The following FER variants were observed in gnomAD, a reference collection of about 807,000 sequenced individuals.
The protein encoded by FER is tyrosine-protein kinase Fer.
In FER, 63 loss-of-function variants were observed where a neutral mutation model predicts 111.0. That is an observed-to-expected ratio of 0.57 (90% CI 0.46 to 0.70). The LOEUF (loss-of-function observed/expected upper bound fraction) is 0.70. FER is among the 30% of genes least tolerant of loss of function. The probability of loss-of-function intolerance (pLI) is 0.00; values close to 1 mark genes in which losing one functional copy is unlikely to be tolerated. For missense variants in FER, 914 were observed against 954.0 expected (o/e 0.96, Z 0.55); for synonymous variants, 327 against 313.9 (o/e 1.04, Z -0.44).
chr5:108,792,137 CT>C (rs997852029), intron 2 of FER, among the ~76,000 whole-genome samples: 19 of 152,248 alleles, frequency 1.2e-4, no homozygotes, highest in African/African-American at 4.6e-4. Context: ...CTTCGTGCCT[CT>C]TTTCAAGTTA....
chr5:108,948,966 T>C (rs1757369575), intron 11 of FER, among the ~76,000 whole-genome samples: 1 of 152,178 alleles, frequency 6.6e-6, no homozygotes, highest in South Asian at 2.1e-4. Context: ...TTAAAATTCA[T>C]ATTTTCTACA....
chr5:109,136,949 C>G (rs1173704336), intron 17 of FER, among the ~76,000 whole-genome samples: 4 of 152,160 alleles, frequency 2.6e-5, no homozygotes, highest in Non-Finnish European at 4.4e-5. Flanking sequence ...TTGATATCAT[C>G]AATTTGAAGC....
At chr5:108,819,705 G>C in intron 3 of FER, 1 of 761,462 alleles carries the variant, frequency 1.3e-6, no homozygotes, top group Non-Finnish European at 1.6e-6. Context: ...AGAACTAATG[G>C]AGACCATCAA....
chr5:108,842,727 C>T (rs1319177417), intron 5 of FER: 1 of 151,914 alleles, frequency 6.6e-6, no homozygotes, highest in African/African-American at 2.4e-5. Flanking sequence ...GGCCATAATA[C>T]AAAAACAAAA....
intron 17 of FER, among the ~76,000 whole-genome samples, chr5:109,120,951 C>T (rs1336591415): frequency 6.6e-6 from 1 of 151,832 alleles, no homozygotes; most frequent in African/African-American, 2.4e-5. Flanking sequence ...TTTTGTATCC[C>T]ATAACTTTAC....
intron 10 of FER, among the ~76,000 whole-genome samples, chr5:108,944,263 C>G (rs1756681298): frequency 6.6e-6 from 1 of 152,084 alleles, no homozygotes; most frequent in Admixed American, 6.6e-5. Context: ...ACTTACAGCA[C>G]TTTTTCTGAG....
intron 13 of FER, among the ~76,000 whole-genome samples, chr5:108,997,371 C>A (rs1446362811): frequency 3.4e-5 from 5 of 146,266 alleles, no homozygotes; most frequent in Non-Finnish European, 7.4e-5. Flanking sequence ...TGAGCGAGAG[C>A]ATGCCACTGC....
intron 13 of FER, among the ~76,000 whole-genome samples, chr5:108,986,120 T>C (rs1370560684): frequency 2.6e-5 from 4 of 152,148 alleles, no homozygotes; most frequent in African/African-American, 9.6e-5. Context: ...TTTTTTTTAT[T>C]ATGGCCACTC....
chr5:109,125,524 T>C lies in FER; in HGVS notation c.2048+25005T>C, dbSNP rs1258375597. 6.6e-5 allele frequency among the ~76,000 whole-genome samples: 10 copies of C among 152,170 alleles called. No individual in the cohort carries two copies. The South Asian group carries it at 2.1e-3, about 32-fold the overall frequency. On this transcript the variant is annotated intron_variant, in intron 17 of 19. Transcript: ENST00000281092. ...AAATAATACAATTTCAGACCATCTT[T>C]CCCTCGCCAAACTCACATATAACAC...
At chr5:108,839,917 ATCGGGACT>A (rs1004048895) in intron 5 of FER, among the ~76,000 whole-genome samples, 1 of 152,134 alleles carries the variant, frequency 6.6e-6, no homozygotes, top group African/African-American at 2.4e-5. Context: ...CAGATTCTTT[ATCGGGACT>A]GACTTTAATT....
intron 6 of FER, 109 bp downstream of exon 6, chr5:108,868,059 G>T: frequency 9.8e-7 from 1 of 1,016,130 alleles, no homozygotes; most frequent in South Asian, 1.8e-5. Flanking sequence ...ACCCAGTCCA[G>T]GGGGTATTTC....
At chr5:109,016,889 T>C (rs1245223504) in intron 13 of FER, among the ~76,000 whole-genome samples, 1 of 151,996 alleles carries the variant, frequency 6.6e-6, no homozygotes, top group Non-Finnish European at 1.5e-5. Flanking sequence ...GGCCTCCTAA[T>C]TCAATAGGTT....
At chr5:108,901,066 C>T (rs1022929677) in intron 10 of FER, among the ~76,000 whole-genome samples, 1 of 151,954 alleles carries the variant, frequency 6.6e-6, no homozygotes, top group African/African-American at 2.4e-5. Context: ...TCCCCTTTAC[C>T]TCTTTGCCCA....
At position 108,866,515 on chromosome 5, in the gene FER, A is replaced by G. The variant is rs970039346; in HGVS notation, c.482-1252A>G. ...ACAAGTTAATGGGTGCCACACACCA[A>G]CGTGGCACATGTATACATATGTAAC... is the stretch of plus-strand genomic sequence containing the variant. On this transcript the variant is annotated intron_variant, in intron 5 of 19. Coordinates refer to ENST00000281092, the MANE Select transcript of FER (RefSeq NM_005246.4). Among the ~76,000 whole-genome samples the G allele has an allele frequency of 3.3e-5, 5 of 152,084 alleles. No homozygotes were observed. The South Asian group carries it at 6.2e-4, about 19-fold the overall frequency.
At chr5:109,076,117 G>T (rs879879630) in intron 16 of FER, among the ~76,000 whole-genome samples, 1 of 151,926 alleles carries the variant, frequency 6.6e-6, no homozygotes, top group Non-Finnish European at 1.5e-5. Context: ...ATTATGTGTA[G>T]CATTTTTATG....
At chr5:108,970,243 TCTCA>T (rs1187887033) in intron 13 of FER, among the ~76,000 whole-genome samples, 1 of 149,924 alleles carries the variant, frequency 6.7e-6, no homozygotes, top group Non-Finnish European at 1.5e-5. Context: ...TGAGACGGAG[TCTCA>T]CTCTGTTGCC....
chr5:109,058,929 AG>A (rs1283645064), intron 16 of FER, among the ~76,000 whole-genome samples: 1 of 150,886 alleles, frequency 6.6e-6, no homozygotes, highest in Non-Finnish European at 1.5e-5. Context: ...CACCAAAAAC[AG>A]GGTTTCACCA....
At chr5:108,997,921 T>A (rs1764210219) in intron 13 of FER, among the ~76,000 whole-genome samples, 1 of 152,104 alleles carries the variant, frequency 6.6e-6, no homozygotes, top group Admixed American at 6.5e-5. Flanking sequence ...TCCCTGTGGC[T>A]TTGTTTACAC....
intron 17 of FER, among the ~76,000 whole-genome samples, chr5:109,139,840 A>G (rs558559341): frequency 7.7e-6 from 1 of 130,144 alleles, no homozygotes; most frequent in African/African-American, 2.9e-5. Flanking sequence ...TTGGTTAGGA[A>G]GATGGGCAGC....
Sources: allele counts gnomAD v4.1 joint callset (sites outside exome capture counted in the v4.1 genomes callset), GRCh38; gene constraint gnomAD v4.1.1; transcripts MANE v1.5; gene names NCBI Gene and HGNC (gene_info 2026-07-23, HGNC 2026-07-21).